TTC14: variants seen among roughly 807,000 people sequenced by gnomAD.
The protein encoded by TTC14 is tetratricopeptide repeat domain 14, also known as tetratricopeptide repeat protein 14.
A neutral mutation model predicts 79.9 loss-of-function variants in TTC14; 63 were observed. The observed-to-expected ratio is 0.79, with a 90% CI of 0.64 to 0.97. The LOEUF (loss-of-function observed/expected upper bound fraction) is 0.97, where lower values mean the gene tolerates loss of function less well. Ranked by LOEUF, TTC14 falls within the 50% of genes least tolerant of loss-of-function variation. TTC14 has a pLI of 0.00. For missense variants in TTC14, 895 were observed against 894.0 expected (o/e 1.00, Z -0.01); for synonymous variants, 335 against 309.6 (o/e 1.08, Z -0.86).
At chr3:180,603,482 A>C (rs1268686207) in intron 3 of TTC14, 159 bp downstream of exon 3, 5 of 664,858 alleles carry the variant, frequency 7.5e-6, no homozygotes, top group East Asian at 5.6e-5. Context: ...AATTAGTGTA[A>C]GTTACCCAGT....
Position 180,602,211 on chromosome 3 carries a change from G to C in TTC14, c.-51G>C, listed in dbSNP as rs1489067368. 6.3e-7 allele frequency: 1 copy of C among 1,596,132 alleles called. No individual in the cohort carries two copies. Among genetic ancestry groups the C allele is most frequent in the Non-Finnish European group, 8.5e-7 (1 of 1,171,374 alleles). Reference sequence around the variant, plus strand: ...ACCACCCGGCTCAAGTAGCGGACACGGAACAGGGAACTATCAGCCCGTCGG... The same window carrying C: ...ACCACCCGGCTCAAGTAGCGGACACCGAACAGGGAACTATCAGCCCGTCGG... On this transcript the variant is annotated 5_prime_UTR_variant, in exon 1 of 12. Coordinates refer to ENST00000296015, the MANE Select transcript of TTC14 (RefSeq NM_133462.4).
intron 12 of TTC14, chr3:180,616,202 C>T (rs1220990602): frequency 7.0e-5 from 83 of 1,190,768 alleles, no homozygotes; most frequent in Admixed American, 1.3e-4. Context: ...CTAACAGCTG[C>T]GGTGATGTAG....
chr3:180,604,827 A>G lies in TTC14; in HGVS notation c.702-25A>G, dbSNP rs748271329. ...GGAATGTCAAATTAGTCATTTTACAATTTTTGTGTTTGTATTTTTTTAAGG... is the reference window on the plus strand; with the variant it reads ...GGAATGTCAAATTAGTCATTTTACAGTTTTTGTGTTTGTATTTTTTTAAGG... On this transcript the variant is annotated intron_variant, in intron 5 of 11. Coordinates refer to ENST00000296015, the MANE Select transcript of TTC14 (RefSeq NM_133462.4). The G allele has an allele frequency of 5.7e-6, 9 of 1,583,846 alleles. No homozygotes were observed. In the East Asian group the frequency reaches 6.7e-5, roughly 12 times the overall value.
intron 11 of TTC14, 159 bp from the exon 12 acceptor site, chr3:180,609,471 A>C: frequency 1.5e-6 from 2 of 1,315,324 alleles, no homozygotes; most frequent in Non-Finnish European, 1.9e-6. Flanking sequence ...AAAAGTGCTT[A>C]ATAGTAAAAT....
At position 180,616,262 on chromosome 3, in the gene TTC14, T is replaced by C. The variant is rs1366482401; in HGVS notation, c.1775-1118T>C. 9 of 1,610,868 alleles carry C rather than the reference T, an allele frequency of 5.6e-6. No individual in the cohort carries two copies. The African/African-American group carries it at 8.0e-5, about 14-fold the overall frequency. On this transcript the variant is annotated intron_variant, in intron 12 of 12. Transcript: ENST00000382584. ...CAGCTGTGAGAGTTAAGCAGATTTT[T>C]TTTTAACCCTCCGCTTACCTTGCTG...
chr3:180,609,547 AAGGAAACAAAT>A lies in TTC14; in HGVS notation c.1401-79_1401-69del, dbSNP rs1716872415. ...AACCACAGCTTTTATAAAATCTTTAAAGGAAACAAATAGGGCCCACATCTTTATGAATAATT... is the reference window on the plus strand; with the variant it reads ...AACCACAGCTTTTATAAAATCTTTAAAGGGCCCACATCTTTATGAATAATT... On this transcript the variant is annotated intron_variant, in intron 11 of 11. Coordinates refer to ENST00000296015, the MANE Select transcript of TTC14 (RefSeq NM_133462.4). 6 of 1,382,720 alleles carry A rather than the reference AAGGAAACAAAT, an allele frequency of 4.3e-6. No individual in the cohort carries two copies. In the South Asian group the frequency reaches 1.2e-4, roughly 27 times the overall value. 85.7% of individuals were successfully genotyped at this position (1,382,720 alleles called of 1,614,324 possible).
In TTC14 at chr3:180,610,743, T is replaced by C. The variant is rs999646774; in HGVS notation, c.*201T>C. The C allele has an allele frequency of 2.3e-6, 3 of 1,281,582 alleles. No individual in the cohort carries two copies. In the African/African-American group the frequency reaches 4.5e-5, roughly 19 times the overall value. 79.4% of individuals were successfully genotyped at this position (1,281,582 alleles called of 1,614,324 possible). A position where few individuals can be genotyped will look rare whatever the true frequency, so the allele number is the denominator to read the frequency against. ...TGTCACAGCTTGGTTTTTAGACTTT[T>C]TATGTATATGTTTATGTACAGTATA... On this transcript the variant is annotated 3_prime_UTR_variant, in exon 12 of 12. Transcript: ENST00000296015.
chr3:180,612,275 ATTAAT>A (rs929914762), downstream of TTC14, among the ~76,000 whole-genome samples: 3 of 152,064 alleles, frequency 2.0e-5, no homozygotes, highest in Non-Finnish European at 4.4e-5. Context: ...TTTTTCCTTA[ATTAAT>A]TCATATAAAT....
downstream of TTC14, chr3:180,615,127 T>C (rs1717182686): frequency 1.5e-6 from 2 of 1,364,500 alleles, no homozygotes; most frequent in African/African-American, 1.5e-5. Flanking sequence ...TATATTTTAG[T>C]ATAGACCCTC....
downstream of TTC14, among the ~76,000 whole-genome samples, chr3:180,613,345 TC>T (rs1717100018): frequency 6.6e-6 from 1 of 152,196 alleles, no homozygotes; most frequent in Non-Finnish European, 1.5e-5. Flanking sequence ...GATAGGTTGA[TC>T]CCCTGTCGCA....
downstream of TTC14, among the ~76,000 whole-genome samples, chr3:180,612,988 C>G (rs770935020): frequency 1.6e-4 from 25 of 152,114 alleles, no homozygotes; most frequent in Admixed American, 1.4e-3. Flanking sequence ...AAATAATACT[C>G]AACATCACTA....
downstream of TTC14, among the ~76,000 whole-genome samples, chr3:180,612,977 G>A (rs1717086020): frequency 6.6e-6 from 1 of 152,160 alleles, no homozygotes; most frequent in African/African-American, 2.4e-5. Flanking sequence ...AGAAGCGTAT[G>A]AAATAATACT....
chr3:180,602,887 T>C lies in TTC14; in HGVS notation c.162-4T>C. The C allele has an allele frequency of 8.1e-6, 13 of 1,599,736 alleles. No homozygotes were observed. Among genetic ancestry groups the C allele is most frequent in the Non-Finnish European group, 1.1e-5 (13 of 1,176,270 alleles). On this transcript the variant is annotated splice_polypyrimidine_tract_variant and splice_region_variant and intron_variant, in intron 1 of 11. Coordinates refer to ENST00000296015, the MANE Select transcript of TTC14 (RefSeq NM_133462.4). ...ATTTTCATATATATTTTTTTCTTTTTAAGAAAAGAGAAGAGAGTTGACAAC... is the reference window on the plus strand; with the variant it reads ...ATTTTCATATATATTTTTTTCTTTTCAAGAAAAGAGAAGAGAGTTGACAAC...
In TTC14 at chr3:180,603,250, A is replaced by C. The variant is rs765651814; in HGVS notation, c.413A>C (p.Glu138Ala). Residue 138 changes from glutamate (E) to alanine (A), a missense_variant, in exon 3 of 12, where the codon GAA (glutamate) becomes GCA (alanine). By Grantham distance (107) the Glu-to-Ala change is moderately radical. Coordinates refer to ENST00000296015, the MANE Select transcript of TTC14 (RefSeq NM_133462.4). ...ATTGGAAGAATTAGTTCTATTCGGGAATTCGGTTTTTTCATGGTGTTGATC... is the reference window on the plus strand; with the variant it reads ...ATTGGAAGAATTAGTTCTATTCGGGCATTCGGTTTTTTCATGGTGTTGATC... Reference protein sequence around the residue: ...IVIGRISSIREFGFFMVLICL... With the variant: ...IVIGRISSIRAFGFFMVLICL... 1.2e-6 allele frequency: 2 copies of C among 1,614,008 alleles called. No individual in the cohort carries two copies. The highest frequency in any genetic ancestry group is 8.5e-7 in the Non-Finnish European group (1 of 1,179,992).
intron 9 of TTC14, among the ~76,000 whole-genome samples, chr3:180,607,086 G>A (rs1484303730): frequency 6.6e-6 from 1 of 152,100 alleles, no homozygotes; most frequent in African/African-American, 2.4e-5. Context: ...TGACACAAAA[G>A]TGATCCCATT....
At chr3:180,608,259 A>AT in intron 10 of TTC14, 23 of 987,504 alleles carry the variant, frequency 2.3e-5, no homozygotes, top group Non-Finnish European at 2.8e-5. Flanking sequence ...GGGCTGTGCT[A>AT]TTTTTTTAAA....
intron 10 of TTC14, 101 bp from the exon 11 acceptor site, chr3:180,608,600 C>A: frequency 7.4e-7 from 1 of 1,344,920 alleles, no homozygotes; most frequent in Non-Finnish European, 9.6e-7. Flanking sequence ...TTTGGTTTTA[C>A]TAAATTGGGT....
chr3:180,605,037 G>T, intron 6 of TTC14, 30 bp downstream of exon 6: 1 of 1,581,468 alleles, frequency 6.3e-7, no homozygotes, highest in African/African-American at 1.4e-5. Flanking sequence ...CTCTTAGATG[G>T]TGAGGGGAGT....
intron 11 of TTC14, 79 bp from the exon 12 acceptor site, chr3:180,609,551 A>C: frequency 7.2e-7 from 1 of 1,387,870 alleles, no homozygotes; most frequent in Non-Finnish European, 9.3e-7. Flanking sequence ...TCTTTAAAGG[A>C]AACAAATAGG....
Sources: gnomAD v4.1 joint callset for allele counts (sites outside exome capture counted in the v4.1 genomes callset) on GRCh38, gnomAD v4.1.1 for gene constraint, MANE v1.5 for transcripts, NCBI Gene and HGNC (gene_info 2026-07-23, HGNC 2026-07-21) for gene names.